The following PRDM16 variants were observed in gnomAD, a reference collection of about 807,000 sequenced individuals.
PRDM16 encodes histone-lysine N-methyltransferase PRDM16.
A neutral mutation model predicts 110.6 loss-of-function variants in PRDM16; 23 were observed. The observed-to-expected ratio is 0.21, with a 90% CI of 0.15 to 0.29. The LOEUF is 0.29. PRDM16 is among the 10% of genes least tolerant of loss of function. The probability of loss-of-function intolerance (pLI) is 1.00; values close to 1 mark genes in which losing one functional copy is unlikely to be tolerated. For synonymous variants in PRDM16, 799 were observed against 781.8 expected, an observed-to-expected ratio of 1.02 and a Z score of -0.37; for missense variants, 1,615 against 1,794.3, an observed-to-expected ratio of 0.90 and a Z score of 1.81.
chr1:3,191,874 G>A (rs1638316622), intron 2 of PRDM16, among the ~76,000 whole-genome samples: 1 of 152,160 alleles, frequency 6.6e-6, no homozygotes, highest in Non-Finnish European at 1.5e-5. Context: ...GCACCGTGAG[G>A]CAGGCGTAAA....
chr1:3,167,524 C>A (rs1289602559), intron 1 of PRDM16, among the ~76,000 whole-genome samples: 2 of 152,016 alleles, frequency 1.3e-5, no homozygotes, highest in African/African-American at 2.4e-5. Flanking sequence ...GAAGAAGGTG[C>A]CAACCCGGAG....
chr1:3,332,068 C>T (rs1292085502), intron 3 of PRDM16, among the ~76,000 whole-genome samples: 1 of 152,360 alleles, frequency 6.6e-6, no homozygotes, highest in Middle Eastern at 3.4e-3. Context: ...CCGAAGCACC[C>T]GTGGGTCCCC....
chr1:3,200,638 A>G (rs1293799882), intron 2 of PRDM16, among the ~76,000 whole-genome samples: 2 of 152,208 alleles, frequency 1.3e-5, no homozygotes, highest in Non-Finnish European at 2.9e-5. Flanking sequence ...CACCGCGCCC[A>G]GCCTAAGGTG....
chr1:3,333,347 G>T (rs765144246), intron 3 of PRDM16, among the ~76,000 whole-genome samples: 6 of 152,176 alleles, frequency 3.9e-5, no homozygotes, highest in Non-Finnish European at 7.3e-5. Flanking sequence ...TGGAGAAGGG[G>T]CCACTTCCCA....
At chr1:3,144,393 T>C (rs1401227175) in intron 1 of PRDM16, among the ~76,000 whole-genome samples, 3 of 152,180 alleles carry the variant, frequency 2.0e-5, no homozygotes, top group Admixed American at 2.0e-4. Context: ...GGGCTGACAG[T>C]CCCTGACTCA....
chr1:3,181,061 G>T (rs1179318755), intron 1 of PRDM16, among the ~76,000 whole-genome samples: 3 of 124,974 alleles, frequency 2.4e-5, no homozygotes, highest in African/African-American at 9.3e-5. Flanking sequence ...CTTACACGCG[G>T]TCTTACACAC....
In PRDM16 at chr1:3,359,138, C is replaced by T. The variant is rs147143514; in HGVS notation, c.439-26014C>T. ...CACTGCAGCCTCCACCTCCCGGGCT[C>T]AAGCGATCCTCCCTCCTCAGCCTCC... On this transcript the variant is annotated intron_variant, in intron 3 of 16. Transcript: ENST00000270722. This position sits in a 1 kb window ranked among gnomAD's most constrained non-coding sequence, Gnocchi z 4.3. Among the ~76,000 whole-genome samples, 1,430 of 152,334 alleles carry T rather than the reference C, an allele frequency of 9.4e-3. 22 individuals carry two copies. Among genetic ancestry groups the T allele is most frequent in the African/African-American group, 0.032 (1,351 of 41,580 alleles).
chr1:3,069,388 CG>C lies in PRDM16; in HGVS notation c.37+94del. The C allele has an allele frequency of 3.1e-6, 1 of 323,154 alleles. No individual in the cohort carries two copies. The highest frequency in any genetic ancestry group is 4.4e-6 in the Non-Finnish European group (1 of 229,730). 20.0% of individuals were successfully genotyped at this position (323,154 alleles called of 1,614,324 possible). A position where few individuals can be genotyped will look rare whatever the true frequency, so the allele number is the denominator to read the frequency against. On this transcript the variant is annotated intron_variant, in intron 1 of 16. Transcript: ENST00000270722. This position sits in a 1 kb window ranked among gnomAD's most constrained non-coding sequence, Gnocchi z 6.1. The stretch of plus-strand genomic sequence containing the variant: ...CCAGGGGTGCGCGTCGGGGCGCGGC[CG>C]GCGCGCCTGCGGCTCCGGGCCCCCG...
chr1:3,147,732 G>A (rs543092536), intron 1 of PRDM16, among the ~76,000 whole-genome samples: 51 of 152,280 alleles, frequency 3.3e-4, no homozygotes, highest in African/African-American at 1.2e-3. Flanking sequence ...TACCCTGGGC[G>A]GCCTCAGTCA....
chr1:3,389,963 C>A (rs1300572363), intron 4 of PRDM16, among the ~76,000 whole-genome samples: 1 of 144,104 alleles, frequency 6.9e-6, no homozygotes, highest in Non-Finnish European at 1.5e-5. Flanking sequence ...CCCCCCCCCC[C>A]CCACCCTCTG....
chr1:3,376,969 G>A (rs1467973128), intron 3 of PRDM16, among the ~76,000 whole-genome samples: 1 of 152,212 alleles, frequency 6.6e-6, no homozygotes, highest in Non-Finnish European at 1.5e-5. Flanking sequence ...GTTCACACCG[G>A]ACCGAGGTGT....
At chr1:3,235,858 G>A (rs994937875) in intron 2 of PRDM16, among the ~76,000 whole-genome samples, 7 of 152,372 alleles carry the variant, frequency 4.6e-5, no homozygotes, top group African/African-American at 1.7e-4. Flanking sequence ...TGCCTGTGTG[G>A]GGCGGAGCTC....
chr1:3,302,415 T>C (rs1215177455), intron 3 of PRDM16, among the ~76,000 whole-genome samples: 7 of 152,146 alleles, frequency 4.6e-5, no homozygotes, highest in Non-Finnish European at 7.3e-5. Flanking sequence ...TGGCATGCAG[T>C]AAGCACCTGC....
rs970069538 is a variant in PRDM16, at chr1:3,081,761, C to T, written c.37+12465C>T. On this transcript the variant is annotated intron_variant, in intron 1 of 16. Coordinates refer to ENST00000270722, the MANE Select transcript of PRDM16 (RefSeq NM_022114.4). This position sits in a 1 kb window ranked among gnomAD's most constrained non-coding sequence, Gnocchi z 4.6. ...GGCCACAGGGCACGTGGGAGGCCCCCATGGAAGGCCCGTGTTGGGGGACCT... is the reference window on the plus strand; with the variant it reads ...GGCCACAGGGCACGTGGGAGGCCCCTATGGAAGGCCCGTGTTGGGGGACCT... Among the ~76,000 whole-genome samples the T allele has an allele frequency of 2.6e-5, 4 of 152,048 alleles. No homozygotes were observed. The highest frequency in any genetic ancestry group is 9.7e-5 in the African/African-American group (4 of 41,422).
intron 2 of PRDM16, among the ~76,000 whole-genome samples, chr1:3,193,895 C>T (rs1638383404): frequency 3.3e-5 from 5 of 152,170 alleles, no homozygotes; most frequent in Admixed American, 3.3e-4. Context: ...GTCAGGCCTG[C>T]CTTGGAGATG....
chr1:3,180,540 A>G (rs1029907063), intron 1 of PRDM16, among the ~76,000 whole-genome samples: 6 of 152,126 alleles, frequency 3.9e-5, no homozygotes, highest in Non-Finnish European at 5.9e-5. Context: ...GAGTCCCCAC[A>G]GGGCCCGAGG....
chr1:3,286,921 A>T (rs1640857839), intron 3 of PRDM16, among the ~76,000 whole-genome samples: 1 of 148,520 alleles, frequency 6.7e-6, no homozygotes, highest in Admixed American at 6.7e-5. Context: ...GGGTGCTGGG[A>T]CTCAAAGCTG....
chr1:3,337,146 TTGG>T (rs1287094656), intron 3 of PRDM16, among the ~76,000 whole-genome samples: 1 of 151,664 alleles, frequency 6.6e-6, no homozygotes, highest in Non-Finnish European at 1.5e-5. Flanking sequence ...CACATATGTG[TTGG>T]TGTGAATCTG....
At chr1:3,132,726 G>A (rs560838088) in intron 1 of PRDM16, among the ~76,000 whole-genome samples, 10 of 152,332 alleles carry the variant, frequency 6.6e-5, no homozygotes, top group African/African-American at 2.4e-4. Context: ...ATTTAAAATA[G>A]AAATTATGTT....
Sources: allele counts gnomAD v4.1 joint callset (sites outside exome capture counted in the v4.1 genomes callset), GRCh38; gene constraint gnomAD v4.1.1; non-coding constraint Gnocchi (gnomAD v3.1); transcripts MANE v1.5; gene names NCBI Gene and HGNC (gene_info 2026-07-23, HGNC 2026-07-21).